The following FBXL17 variants were observed in gnomAD, a reference collection of about 807,000 sequenced individuals.
The protein encoded by FBXL17 is F-box and leucine rich repeat protein 17, also known as F-box/LRR-repeat protein 17.
In FBXL17, 22 loss-of-function variants were observed where a neutral mutation model predicts 66.2. That is an observed-to-expected ratio of 0.33 (90% CI 0.24 to 0.47). The LOEUF is 0.47. FBXL17 is among the 20% of genes least tolerant of loss of function. FBXL17 has a pLI of 1.00. For missense variants in FBXL17, 878 were observed against 948.2 expected (o/e 0.93, Z 0.97); for synonymous variants, 474 against 400.5 (o/e 1.18, Z -2.19).
chr5:108,104,995 C>T (rs1241345021), intron 6 of FBXL17, among the ~76,000 whole-genome samples: 3 of 152,118 alleles, frequency 2.0e-5, no homozygotes, highest in African/African-American at 4.8e-5. Flanking sequence ...GTGCCCGCCA[C>T]GATGCCCAGC....
At chr5:108,297,910 T>A in intron 4 of FBXL17, 1 of 957,970 alleles carries the variant, frequency 1.0e-6, no homozygotes, top group East Asian at 1.2e-4. Context: ...AAAATCAGAA[T>A]CCATATATCT....
At chr5:108,031,425 G>A (rs949307347) in intron 6 of FBXL17, among the ~76,000 whole-genome samples, 2 of 151,940 alleles carry the variant, frequency 1.3e-5, no homozygotes, top group Non-Finnish European at 2.9e-5. Context: ...TTCCACAAGT[G>A]GGATAAAATT....
intron 7 of FBXL17, among the ~76,000 whole-genome samples, chr5:108,006,502 T>C (rs1253230934): frequency 1.3e-5 from 2 of 152,124 alleles, no homozygotes; most frequent in Non-Finnish European, 2.9e-5. Flanking sequence ...AGAACAGTAG[T>C]GGTTATGACG....
At chr5:108,041,058 A>G (rs555076978) in intron 6 of FBXL17, among the ~76,000 whole-genome samples, 1 of 152,288 alleles carries the variant, frequency 6.6e-6, no homozygotes, top group Admixed American at 6.5e-5. Context: ...CAACATGGAG[A>G]TAATGACTTC....
chr5:108,196,166 A>C (rs889329914), intron 5 of FBXL17, among the ~76,000 whole-genome samples: 1 of 152,090 alleles, frequency 6.6e-6, no homozygotes, highest in Non-Finnish European at 1.5e-5. Flanking sequence ...GTGCAGGCAT[A>C]CATCTCACAG....
intron 3 of FBXL17, among the ~76,000 whole-genome samples, chr5:108,352,868 G>A (rs2112501214): frequency 6.6e-6 from 1 of 151,988 alleles, no homozygotes; most frequent in South Asian, 2.1e-4. Flanking sequence ...AGAGACACTG[G>A]AGCTCTACTC....
intron 3 of FBXL17, among the ~76,000 whole-genome samples, chr5:108,364,344 T>C (rs1400651787): frequency 6.6e-6 from 1 of 152,016 alleles, no homozygotes; most frequent in Non-Finnish European, 1.5e-5. Flanking sequence ...TGGACGTCCA[T>C]TTATCCCTTA....
chr5:108,157,038 A>G lies in FBXL17; in HGVS notation c.1745+29079T>C, dbSNP rs114934521. Among the ~76,000 whole-genome samples the G allele has an allele frequency of 3.0e-3, 462 of 151,930 alleles. 3 individuals are homozygous for G. Among genetic ancestry groups the G allele is most frequent in the African/African-American group, 0.011 (450 of 41,532 alleles). On this transcript the variant is annotated intron_variant, in intron 6 of 8. Coordinates refer to ENST00000542267, the MANE Select transcript of FBXL17 (RefSeq NM_001163315.3). ...TCCATATTTAAAAATAAGAATTTCA[A>G]TAAATCTATTTTATACAATGAAACA... is the stretch of plus-strand genomic sequence containing the variant.
intron 7 of FBXL17, among the ~76,000 whole-genome samples, chr5:107,953,362 C>T (rs1016813115): frequency 1.4e-5 from 2 of 146,226 alleles, no homozygotes; most frequent in South Asian, 4.4e-4. Flanking sequence ...GAGATCTCAC[C>T]ACTGCACTCC....
intron 4 of FBXL17, among the ~76,000 whole-genome samples, chr5:108,332,941 C>CAAAAAA (rs34218940): frequency 4.7e-3 from 162 of 34,722 alleles, no homozygotes; most frequent in African/African-American, 8.5e-3. Context: ...AAAGCAAAAG[C>CAAAAAA]AAAAAAAAAA....
chr5:108,013,739 C>T (rs1754269845), intron 7 of FBXL17, among the ~76,000 whole-genome samples: 1 of 152,128 alleles, frequency 6.6e-6, no homozygotes, highest in Admixed American at 6.6e-5. Flanking sequence ...GAATGAACCC[C>T]AGGATTAGAA....
intron 5 of FBXL17, among the ~76,000 whole-genome samples, chr5:108,219,138 A>G (rs556014271): frequency 6.6e-6 from 1 of 152,290 alleles, no homozygotes; most frequent in East Asian, 1.9e-4. Context: ...CAAGTTTTTA[A>G]AATGTGGGTA....
rs757730498 is a variant in FBXL17, at chr5:108,365,019, T to C, written c.1117-24A>G. ...ACCTGTAAGAGAAAAAGCAATAAAT[T>C]TAAACTTTTGCTAAAAATAAAAACG... is the stretch of plus-strand genomic sequence containing the variant. On this transcript the variant is annotated intron_variant, in intron 2 of 8. Coordinates refer to ENST00000542267, the MANE Select transcript of FBXL17 (RefSeq NM_001163315.3). 12 of 1,558,882 alleles carry C rather than the reference T, an allele frequency of 7.7e-6. No individual in the cohort carries two copies. In the Middle Eastern group the frequency reaches 6.3e-4, roughly 82 times the overall value.
Position 108,189,357 on chromosome 5 carries a change from TGAAA to T in FBXL17, c.1615-3114_1615-3111del, listed in dbSNP as rs1753372769. 3.8e-5 allele frequency among the ~76,000 whole-genome samples: 4 copies of T among 105,550 alleles called. No homozygotes were observed. The East Asian group carries it at 1.1e-3, about 30-fold the overall frequency. 69.2% of individuals were successfully genotyped at this position (105,550 alleles called of 152,430 possible). ...GGGATGGGATGGGATGGCAATAAAA[TGAAA>T]GAGACAATGGTAAGAAAAAAAGCAC... On this transcript the variant is annotated intron_variant, in intron 5 of 8. Coordinates refer to ENST00000542267, the MANE Select transcript of FBXL17 (RefSeq NM_001163315.3).
chr5:108,302,543 C>A (rs1758640431), intron 4 of FBXL17, among the ~76,000 whole-genome samples: 1 of 151,708 alleles, frequency 6.6e-6, no homozygotes, highest in Non-Finnish European at 1.5e-5. Context: ...ATTCTACAAA[C>A]AAAGACTGAA....
chr5:107,959,093 C>A (rs1751788676), intron 7 of FBXL17, among the ~76,000 whole-genome samples: 1 of 152,098 alleles, frequency 6.6e-6, no homozygotes, highest in African/African-American at 2.4e-5. Flanking sequence ...ACACGCACCA[C>A]ACGCCATGAT....
intron 6 of FBXL17, among the ~76,000 whole-genome samples, chr5:108,178,777 T>C (rs916707514): frequency 1.3e-5 from 2 of 152,200 alleles, no homozygotes; most frequent in Non-Finnish European, 2.9e-5. Flanking sequence ...TCAGCATTAT[T>C]TTTGCCACCT....
intron 1 of FBXL17, among the ~76,000 whole-genome samples, chr5:108,376,786 C>CTTTTTTTT (rs11286870): frequency 9.1e-6 from 1 of 110,028 alleles, no homozygotes. Context: ...AGTGTATATT[C>CTTTTTTTT]TTTTTTTTTT....
At chr5:108,316,900 A>G (rs760516780) in intron 4 of FBXL17, among the ~76,000 whole-genome samples, 3 of 151,334 alleles carry the variant, frequency 2.0e-5, no homozygotes, top group Admixed American at 1.3e-4. Flanking sequence ...TACATGAAAT[A>G]TAAGTTTTAA....
Sources: gnomAD v4.1 joint callset for allele counts (sites outside exome capture counted in the v4.1 genomes callset) on GRCh38, gnomAD v4.1.1 for gene constraint, MANE v1.5 for transcripts, NCBI Gene and HGNC (gene_info 2026-07-23, HGNC 2026-07-21) for gene names.